SLC6A11: variants seen among roughly 807,000 people sequenced by gnomAD.
SLC6A11 encodes the protein sodium- and chloride-dependent GABA transporter 3.
Under a neutral mutation model 74.8 loss-of-function variants are expected in SLC6A11, and 25 were observed. The observed-to-expected ratio is 0.33, with a 90% CI of 0.24 to 0.47. SLC6A11 has a LOEUF of 0.47. Among genes scored for constraint, SLC6A11 ranks in the 20% least tolerant of loss-of-function variants. SLC6A11 has a pLI of 1.00. For synonymous variants in SLC6A11, 330 were observed against 330.2 expected (o/e 1.00, Z 0.01); for missense variants, 574 against 837.0 (o/e 0.69, Z 3.88).
At chr3:10,920,519 T>C (rs1440249180) in intron 8 of SLC6A11, among the ~76,000 whole-genome samples, 1 of 152,204 alleles carries the variant, frequency 6.6e-6, no homozygotes, top group Admixed American at 6.5e-5. Flanking sequence ...TCCATTGAAT[T>C]GATACACTGG....
intron 4 of SLC6A11, among the ~76,000 whole-genome samples, chr3:10,833,025 C>T (rs1355117973): frequency 6.6e-6 from 1 of 152,190 alleles, no homozygotes; most frequent in Non-Finnish European, 1.5e-5. Context: ...GGACCCCCAT[C>T]TGCCAGGCAC....
chr3:10,844,430 T>C, intron 5 of SLC6A11, 84 bp downstream of exon 5: 2 of 1,545,478 alleles, frequency 1.3e-6, no homozygotes, highest in South Asian at 2.3e-5. Flanking sequence ...AGGGAGTTCA[T>C]GTTGCAGAGG....
At chr3:10,845,019 G>C (rs1272762299) in intron 5 of SLC6A11, among the ~76,000 whole-genome samples, 1 of 152,194 alleles carries the variant, frequency 6.6e-6, no homozygotes, top group Non-Finnish European at 1.5e-5. Context: ...GGGACATCTG[G>C]GGAGTGAGCA....
At chr3:10,910,105 A>G (rs147387446) in intron 6 of SLC6A11, among the ~76,000 whole-genome samples, 89 of 152,226 alleles carry the variant, frequency 5.8e-4, no homozygotes, top group African/African-American at 2.0e-3. Context: ...TTCATGAAAA[A>G]GCTCTCCTTA....
At chr3:10,825,180 C>CTGAAAAA (rs1694191992) in intron 4 of SLC6A11, 1 of 120,824 alleles carries the variant, frequency 8.3e-6, no homozygotes. Flanking sequence ...GAGACTGTCT[C>CTGAAAAA]AAAAAAAAAA....
chr3:10,840,544 T>C (rs73814451), intron 4 of SLC6A11, among the ~76,000 whole-genome samples: 5,543 of 152,346 alleles, frequency 0.036, 152 homozygotes, highest in East Asian at 0.13. Flanking sequence ...GACGCTTTCG[T>C]AAGTATTGTT....
rs188192385 is a variant in SLC6A11, at chr3:10,828,945, A to G, written c.623+5553A>G. On this transcript the variant is annotated intron_variant, in intron 4 of 13. Transcript: ENST00000254488. Reference sequence around the variant, plus strand: ...CTTGCCAGCACATTCTAGGTGCTCAATAAATATTTGTTGAAATGAGTGAAT... The same window carrying G: ...CTTGCCAGCACATTCTAGGTGCTCAGTAAATATTTGTTGAAATGAGTGAAT... Among the ~76,000 whole-genome samples, 24 of 152,334 alleles carry G rather than the reference A, an allele frequency of 1.6e-4. No individual in the cohort carries two copies. In the East Asian group the frequency reaches 3.9e-3, roughly 24 times the overall value.
At chr3:10,936,760 T>A (rs1311916704) in intron 13 of SLC6A11, among the ~76,000 whole-genome samples, 1 of 152,208 alleles carries the variant, frequency 6.6e-6, no homozygotes, top group Admixed American at 6.5e-5. Context: ...GGAAGACCCC[T>A]GCCCAAACTT....
chr3:10,817,694 A>G (rs1337114323), intron 1 of SLC6A11, among the ~76,000 whole-genome samples: 3 of 152,118 alleles, frequency 2.0e-5, no homozygotes, highest in Non-Finnish European at 4.4e-5. Flanking sequence ...CTGCCGGGAG[A>G]GGGAGAAGGG....
In SLC6A11 at chr3:10,913,053, C is replaced by CTT. The variant is rs374019258; in HGVS notation, c.995+877_995+878dup. Among the ~76,000 whole-genome samples the CTT allele has an allele frequency of 8.8e-3, 1,195 of 136,078 alleles. 13 individuals carry two copies. The highest frequency in any genetic ancestry group is 0.013 in the Non-Finnish European group (807 of 63,756). The allele number at this position is 136,078 out of a possible 152,430, so 89.3% of individuals were successfully genotyped here. ...TAGTGGAGAAAGGAAGGAAGGTTGC[C>CTT]TTTTTTTTTTTTTTTTTTAACAAAT... On this transcript the variant is annotated intron_variant, in intron 7 of 13. Coordinates refer to ENST00000254488, the MANE Select transcript of SLC6A11 (RefSeq NM_014229.3).
At chr3:10,928,687 G>C (rs1695642822) in intron 9 of SLC6A11, among the ~76,000 whole-genome samples, 1 of 152,066 alleles carries the variant, frequency 6.6e-6, no homozygotes, top group African/African-American at 2.4e-5. Context: ...ACCAGCAGAG[G>C]GGCCTCATCT....
chr3:10,846,321 G>GT (rs1694502568), intron 5 of SLC6A11, among the ~76,000 whole-genome samples: 1 of 152,218 alleles, frequency 6.6e-6, no homozygotes, highest in Non-Finnish European at 1.5e-5. Context: ...AAGGGAGGAA[G>GT]TTTCATGGTT....
At chr3:10,818,917 A>G (rs1019403758) in intron 1 of SLC6A11, among the ~76,000 whole-genome samples, 3 of 152,196 alleles carry the variant, frequency 2.0e-5, no homozygotes, top group African/African-American at 7.2e-5. Context: ...AGTTGACACC[A>G]CACCTGGGCC....
At chr3:10,872,865 G>A in intron 5 of SLC6A11, among the ~76,000 whole-genome samples, 1 of 152,232 alleles carries the variant, frequency 6.6e-6, no homozygotes, top group East Asian at 1.9e-4. Flanking sequence ...CTGAACCAAA[G>A]CTTGCATGCG....
At chr3:10,878,738 A>T (rs2655275) in intron 6 of SLC6A11, among the ~76,000 whole-genome samples, 28,550 of 151,940 alleles carry the variant, frequency 0.19, 3,394 homozygotes, top group Middle Eastern at 0.29. Context: ...ACTGAGTTTA[A>T]ACATCACTTT....
At chr3:10,872,844 A>G (rs951210930) in intron 5 of SLC6A11, among the ~76,000 whole-genome samples, 2 of 152,206 alleles carry the variant, frequency 1.3e-5, no homozygotes, top group Non-Finnish European at 2.9e-5. Flanking sequence ...TTATCTGGGA[A>G]ATTGGAGTCT....
chr3:10,893,471 G>C (rs1436706015), intron 6 of SLC6A11, among the ~76,000 whole-genome samples: 1 of 152,184 alleles, frequency 6.6e-6, no homozygotes, highest in Admixed American at 6.5e-5. Context: ...TCAAGGAGGA[G>C]ACAACTGATC....
At chr3:10,818,608 C>T (rs1273234704) in intron 1 of SLC6A11, among the ~76,000 whole-genome samples, 1 of 152,158 alleles carries the variant, frequency 6.6e-6, no homozygotes, top group East Asian at 1.9e-4. Context: ...AAGGAGACTT[C>T]ATTTGGCAAA....
chr3:10,925,447 T>C (rs568826313), intron 8 of SLC6A11, among the ~76,000 whole-genome samples: 16 of 152,186 alleles, frequency 1.1e-4, no homozygotes, highest in Non-Finnish European at 2.2e-4. Context: ...TCTGCTGACA[T>C]TGATAAAGTT....
Sources: gnomAD v4.1 joint callset for allele counts (sites outside exome capture counted in the v4.1 genomes callset) on GRCh38, gnomAD v4.1.1 for gene constraint, MANE v1.5 for transcripts, NCBI Gene and HGNC (gene_info 2026-07-23, HGNC 2026-07-21) for gene names.